The following UNC5C variants were observed in gnomAD, a reference collection of about 807,000 sequenced individuals.
UNC5C encodes unc-5 netrin receptor C.
Under a neutral mutation model 99.8 loss-of-function variants are expected in UNC5C, and 47 were observed. The ratio of observed to expected loss-of-function variants is 0.47; its 90% CI spans 0.37 to 0.60. UNC5C has a LOEUF of 0.60. Ranked by LOEUF, UNC5C falls within the 20% of genes least tolerant of loss-of-function variation. The probability of loss-of-function intolerance (pLI) is 0.00; values close to 1 mark genes in which losing one functional copy is unlikely to be tolerated. For synonymous variants in UNC5C, 487 were observed against 452.2 expected, an observed-to-expected ratio of 1.08 and a Z score of -0.98; for missense variants, 1,062 against 1,165.9, an observed-to-expected ratio of 0.91 and a Z score of 1.30.
chr4:95,435,532 G>A (rs1746757627), intron 1 of UNC5C, among the ~76,000 whole-genome samples: 1 of 152,030 alleles, frequency 6.6e-6, no homozygotes, highest in Non-Finnish European at 1.5e-5. Flanking sequence ...GGAACAATGT[G>A]TGACTATAGA....
intron 12 of UNC5C, among the ~76,000 whole-genome samples, chr4:95,186,562 G>GTCA (rs1449897413): frequency 3.9e-5 from 6 of 152,146 alleles, no homozygotes; most frequent in African/African-American, 1.4e-4. Flanking sequence ...CTTAATATCT[G>GTCA]TCATCTTTTG....
At chr4:95,433,059 A>T (rs1200097830) in intron 1 of UNC5C, among the ~76,000 whole-genome samples, 1 of 152,074 alleles carries the variant, frequency 6.6e-6, no homozygotes, top group Admixed American at 6.6e-5. Flanking sequence ...TTCTGCTGAG[A>T]ACTGATTACA....
At chr4:95,422,547 G>A (rs1746352573) in intron 1 of UNC5C, among the ~76,000 whole-genome samples, 3 of 136,614 alleles carry the variant, frequency 2.2e-5, no homozygotes, top group African/African-American at 2.7e-5. Context: ...ATTTGCAACC[G>A]GGGGCTGTAT....
intron 1 of UNC5C, among the ~76,000 whole-genome samples, chr4:95,434,322 A>T (rs547065866): frequency 6.6e-6 from 1 of 152,208 alleles, no homozygotes; most frequent in African/African-American, 2.4e-5. Context: ...CTTCACAGTA[A>T]GGTCTGAGAT....
intron 12 of UNC5C, among the ~76,000 whole-genome samples, 176 bp from the exon 13 acceptor site, chr4:95,185,372 C>T (rs949103538): frequency 6.6e-6 from 1 of 152,168 alleles, no homozygotes; most frequent in African/African-American, 2.4e-5. Context: ...TAAAGCCCCT[C>T]CCATTTTGTA....
At chr4:95,255,699 T>C (rs917017458) in intron 4 of UNC5C, among the ~76,000 whole-genome samples, 1 of 152,148 alleles carries the variant, frequency 6.6e-6, no homozygotes. Context: ...CTTTCTCTCC[T>C]AAATTATTCA....
chr4:95,273,619 G>C (rs1740744419), intron 4 of UNC5C, among the ~76,000 whole-genome samples: 1 of 152,132 alleles, frequency 6.6e-6, no homozygotes, highest in Non-Finnish European at 1.5e-5. Flanking sequence ...CACCAGAAAT[G>C]GAAGAAAACA....
At chr4:95,174,674 A>G (rs933853678) in intron 14 of UNC5C, among the ~76,000 whole-genome samples, 4 of 150,550 alleles carry the variant, frequency 2.7e-5, no homozygotes, top group African/African-American at 4.9e-5. Flanking sequence ...TATGTGGTCA[A>G]TTTTGGAATA....
chr4:95,298,000 C>G (rs1425109485), intron 3 of UNC5C, among the ~76,000 whole-genome samples: 1 of 152,158 alleles, frequency 6.6e-6, no homozygotes, highest in Non-Finnish European at 1.5e-5. Context: ...CCAAAGTGTT[C>G]CCAACTTATC....
At chr4:95,174,494 T>C (rs1736254589) in intron 14 of UNC5C, among the ~76,000 whole-genome samples, 1 of 152,260 alleles carries the variant, frequency 6.6e-6, no homozygotes, top group South Asian at 2.1e-4. Context: ...CTTCATTTTG[T>C]TATTTACCCA....
At chr4:95,423,697 C>A (rs1469538804) in intron 1 of UNC5C, among the ~76,000 whole-genome samples, 1 of 152,110 alleles carries the variant, frequency 6.6e-6, no homozygotes, top group Non-Finnish European at 1.5e-5. Context: ...GAGTACATTT[C>A]CAGAGGCATA....
chr4:95,518,669 A>T (rs926418164), intron 1 of UNC5C, among the ~76,000 whole-genome samples: 2 of 152,210 alleles, frequency 1.3e-5, no homozygotes, highest in African/African-American at 4.8e-5. Flanking sequence ...TCAGGCATTT[A>T]TCTTTAAGAT....
intron 1 of UNC5C, among the ~76,000 whole-genome samples, chr4:95,492,241 C>T (rs890646520): frequency 4.0e-5 from 6 of 151,160 alleles, no homozygotes; most frequent in South Asian, 2.1e-4. Flanking sequence ...TTTCTTGCCC[C>T]GAGTAGCCAA....
chr4:95,488,743 T>G (rs1442703928), intron 1 of UNC5C, among the ~76,000 whole-genome samples: 1 of 151,734 alleles, frequency 6.6e-6, no homozygotes, highest in African/African-American at 2.4e-5. Flanking sequence ...TTTGGGACCA[T>G]CTGAGAATAG....
At chr4:95,243,367 T>C (rs1046927574) in intron 6 of UNC5C, among the ~76,000 whole-genome samples, 3 of 152,152 alleles carry the variant, frequency 2.0e-5, no homozygotes, top group African/African-American at 7.2e-5. Flanking sequence ...ATATCTCTAT[T>C]TTAAAAGCAC....
chr4:95,273,671 G>A (rs1251731673), intron 4 of UNC5C, among the ~76,000 whole-genome samples: 3 of 152,156 alleles, frequency 2.0e-5, no homozygotes, highest in East Asian at 1.9e-4. Flanking sequence ...GTTATTAAAG[G>A]AAACACTGAG....
intron 1 of UNC5C, among the ~76,000 whole-genome samples, chr4:95,526,148 T>C (rs1722493067): frequency 6.6e-6 from 1 of 152,136 alleles, no homozygotes; most frequent in Admixed American, 6.6e-5. Flanking sequence ...GTGAGCATGA[T>C]CTAACTTTTC....
intron 1 of UNC5C, among the ~76,000 whole-genome samples, chr4:95,494,257 T>C (rs1466807070): frequency 6.6e-6 from 1 of 151,562 alleles, no homozygotes; most frequent in Non-Finnish European, 1.5e-5. Context: ...TTACATTTTA[T>C]AGGAAAGCAA....
intron 2 of UNC5C, among the ~76,000 whole-genome samples, chr4:95,313,204 T>C (rs1742334657): frequency 1.3e-5 from 2 of 152,048 alleles, no homozygotes; most frequent in African/African-American, 2.4e-5. Context: ...TTTACATTCA[T>C]TGAGTAAAGG....
Sources: gnomAD v4.1 joint callset for allele counts (sites outside exome capture counted in the v4.1 genomes callset) on GRCh38, gnomAD v4.1.1 for gene constraint, MANE v1.5 for transcripts, NCBI Gene and HGNC (gene_info 2026-07-23, HGNC 2026-07-21) for gene names.